The following BCOR variants were observed in gnomAD, a reference collection of about 807,000 sequenced individuals.
The protein encoded by BCOR is BCL-6 corepressor.
Under a neutral mutation model 86.7 loss-of-function variants are expected in BCOR, and 10 were observed. The ratio of observed to expected loss-of-function variants is 0.12; its 90% CI spans 0.07 to 0.20. The LOEUF is 0.20. Among genes scored for constraint, BCOR ranks in the 10% least tolerant of loss-of-function variants. The probability of loss-of-function intolerance (pLI) is 1.00; values close to 1 mark genes in which losing one functional copy is unlikely to be tolerated. For synonymous variants in BCOR, 611 were observed against 609.0 expected (o/e 1.00, Z -0.05); for missense variants, 1,259 against 1,452.1 (o/e 0.87, Z 2.16).
chrX:40,087,929 T>C (rs1602189916), intron 1 of BCOR, among the ~76,000 whole-genome samples: 1 of 112,687 alleles, frequency 8.9e-6, no homozygotes, highest in African/African-American at 3.2e-5. Flanking sequence ...AACGCTAGGA[T>C]TTACATAGTT....
In BCOR at chrX:40,052,277, C is replaced by T; in HGVS notation, c.5100G>A (p.Gln1700=). Residue 1700 remains glutamine, a synonymous_variant, in exon 15 of 15, where the codon CAG becomes CAA. Coordinates refer to ENST00000378444, the MANE Select transcript of BCOR (RefSeq NM_001123385.2). ...AAGAGAACAAGAGACTTGCAGAAACCTGCCGATAAAATTCTGCCTCTGCAA... is the reference window on the plus strand; with the variant it reads ...AAGAGAACAAGAGACTTGCAGAAACTTGCCGATAAAATTCTGCCTCTGCAA... The part of the protein sequence containing the change: ...VTIAEAEFYR[Q]VSASLLFSCS... 1 of 1,212,185 alleles carries T rather than the reference C, an allele frequency of 8.2e-7. No individual in the cohort carries two copies. Among genetic ancestry groups the T allele is most frequent in the Non-Finnish European group, 1.1e-6 (1 of 895,602 alleles).
intron 1 of BCOR, among the ~76,000 whole-genome samples, chrX:40,150,000 T>C (rs1260686168): frequency 8.9e-6 from 1 of 112,574 alleles, no homozygotes; most frequent in Non-Finnish European, 1.9e-5. Context: ...AGAAGGAGAC[T>C]GGGACATCGA....
intron 1 of BCOR, among the ~76,000 whole-genome samples, chrX:40,162,813 G>A (rs1305262069): frequency 1.8e-5 from 2 of 111,778 alleles, no homozygotes; most frequent in African/African-American, 3.3e-5. Context: ...TCTCCTAGTC[G>A]AACCCACAAT....
intron 1 of BCOR, among the ~76,000 whole-genome samples, chrX:40,109,362 ACT>A (rs1475900466): frequency 7.2e-5 from 8 of 110,814 alleles, no homozygotes; most frequent in Admixed American, 4.7e-4. Flanking sequence ...CAGGACAGAA[ACT>A]CTGCAAGCGG....
chrX:40,063,110 G>GT (rs1569147512), intron 8 of BCOR, 39 bp from the exon 9 acceptor site: 6 of 644,536 alleles, frequency 9.3e-6, no homozygotes, highest in East Asian at 5.7e-5. Flanking sequence ...GGGCGGATGG[G>GT]AGACGGGAGA....
At chrX:40,146,734 CG>C (rs771027718) in intron 1 of BCOR, 40 of 112,208 alleles carry the variant, frequency 3.6e-4, no homozygotes, top group African/African-American at 1.3e-3. Flanking sequence ...GCGGGCGCCT[CG>C]GGGTTCGCAA....
At chrX:40,085,493 T>C (rs772535749) in intron 1 of BCOR, among the ~76,000 whole-genome samples, 3 of 111,697 alleles carry the variant, frequency 2.7e-5, no homozygotes, top group Non-Finnish European at 3.8e-5. Flanking sequence ...AGTTCATGTC[T>C]CACTCCAGAA....
intron 6 of BCOR, among the ~76,000 whole-genome samples, chrX:40,066,161 C>T (rs1450427477): frequency 8.9e-6 from 1 of 111,764 alleles, no homozygotes; most frequent in Non-Finnish European, 1.9e-5. Flanking sequence ...GGATTCGGCA[C>T]CCAAGCCCCC....
At chrX:40,139,484 TATATATATA>T (rs1937852378) in intron 1 of BCOR, among the ~76,000 whole-genome samples, 3 of 15,734 alleles carry the variant, frequency 1.9e-4, no homozygotes, top group Non-Finnish European at 2.7e-4. Flanking sequence ...TATATATATA[TATATATATA>T]TATATTTTTT....
At chrX:40,144,604 G>C (rs191076350) in intron 1 of BCOR, among the ~76,000 whole-genome samples, 2 of 111,956 alleles carry the variant, frequency 1.8e-5, no homozygotes, top group Non-Finnish European at 3.8e-5. Flanking sequence ...TTTCTTATTT[G>C]TTTTATCACC....
intron 1 of BCOR, among the ~76,000 whole-genome samples, chrX:40,161,511 T>TC (rs1938421981): frequency 1.3e-5 from 1 of 79,935 alleles, no homozygotes; most frequent in East Asian, 3.9e-4. Flanking sequence ...CTCCCCTTTT[T>TC]TTTTTTTTTT....
intron 1 of BCOR, among the ~76,000 whole-genome samples, chrX:40,176,806 G>A (rs1480597844): frequency 1.9e-5 from 2 of 107,602 alleles, no homozygotes; most frequent in Non-Finnish European, 3.9e-5. Flanking sequence ...GTCCCAGCCC[G>A]GCTCCCCCGC....
chrX:40,137,137 C>T (rs1411609386), intron 1 of BCOR, among the ~76,000 whole-genome samples: 2 of 112,630 alleles, frequency 1.8e-5, no homozygotes, highest in Middle Eastern at 4.6e-3. Context: ...GGCATTGTGC[C>T]GGCATCACAC....
At chrX:40,104,934 G>T (rs1287028562) in intron 1 of BCOR, among the ~76,000 whole-genome samples, 1 of 111,317 alleles carries the variant, frequency 9.0e-6, no homozygotes, top group Non-Finnish European at 1.9e-5. Context: ...GGCGGGGAGA[G>T]GGTGCGGGGC....
At chrX:40,161,087 G>C (rs943959749) in intron 1 of BCOR, among the ~76,000 whole-genome samples, 5 of 104,556 alleles carry the variant, frequency 4.8e-5, no homozygotes, top group Non-Finnish European at 9.8e-5. Flanking sequence ...CTGCAGCCTT[G>C]ACCTCTGGCT....
chrX:40,128,734 A>C (rs779474182), intron 1 of BCOR, among the ~76,000 whole-genome samples: 2 of 111,391 alleles, frequency 1.8e-5, no homozygotes, highest in Non-Finnish European at 3.8e-5. Context: ...CTCCCTATGC[A>C]AGTCATACCC....
At chrX:40,088,657 T>C (rs926483462) in intron 1 of BCOR, among the ~76,000 whole-genome samples, 1 of 112,393 alleles carries the variant, frequency 8.9e-6, no homozygotes, top group Non-Finnish European at 1.9e-5. Context: ...TTTCTTCTCA[T>C]GCTAGTAATT....
At chrX:40,112,078 C>T (rs1356875169) in intron 1 of BCOR, among the ~76,000 whole-genome samples, 1 of 111,211 alleles carries the variant, frequency 9.0e-6, no homozygotes, top group Non-Finnish European at 1.9e-5. Flanking sequence ...CAGTCCTTGC[C>T]TTCCTTGGCC....
chrX:40,121,493 T>C (rs192858339), intron 1 of BCOR, among the ~76,000 whole-genome samples: 4 of 113,122 alleles, frequency 3.5e-5, no homozygotes, highest in East Asian at 5.5e-4. Flanking sequence ...ATTTGGTTCA[T>C]TGCAAATTTG....
Sources: gnomAD v4.1 joint callset for allele counts (sites outside exome capture counted in the v4.1 genomes callset) on GRCh38, gnomAD v4.1.1 for gene constraint, MANE v1.5 for transcripts, NCBI Gene and HGNC (gene_info 2026-07-23, HGNC 2026-07-21) for gene names.